RNF10: variants seen among roughly 807,000 people sequenced by gnomAD.
The protein encoded by RNF10 is E3 ubiquitin-protein ligase RNF10.
RNF10 carries 38 observed loss-of-function variants against 91.4 expected under a neutral mutation model. That is an observed-to-expected ratio of 0.42 (90% CI 0.32 to 0.54). The LOEUF (loss-of-function observed/expected upper bound fraction) is 0.54. Among genes scored for constraint, RNF10 ranks in the 20% least tolerant of loss-of-function variants. The probability of loss-of-function intolerance (pLI) is 0.16; values close to 1 mark genes in which losing one functional copy is unlikely to be tolerated. For synonymous variants in RNF10, 364 were observed against 366.3 expected (o/e 0.99, Z 0.07); for missense variants, 945 against 1,012.0 (o/e 0.93, Z 0.90).
intron 1 of RNF10, among the ~76,000 whole-genome samples, chr12:120,541,732 CT>C (rs1200077211): frequency 1.8e-3 from 250 of 141,736 alleles, no homozygotes; most frequent in Non-Finnish European, 1.8e-3. Context: ...TCGTGCCTGG[CT>C]TTTTTTTTTT....
chr12:120,576,662 A>G lies in RNF10; in HGVS notation c.2432A>G (p.Lys811Arg). ...LLFSTSVVHTK is the reference protein window; with the variant it reads ...LLFSTSVVHTR Reference sequence around the variant, plus strand: ...TTCAGCACCTCAGTCGTCCACACCAAGTGACACTACTGGCCCAGGCTACCT... The same window carrying G: ...TTCAGCACCTCAGTCGTCCACACCAGGTGACACTACTGGCCCAGGCTACCT... Residue 811 changes from lysine (K) to arginine (R), a missense_variant, in exon 17 of 17, where the codon AAG becomes AGG. By Grantham distance (26) the Lys-to-Arg change is conservative. Transcript: ENST00000325954. The G allele has an allele frequency of 1.2e-6, 2 of 1,613,262 alleles. No homozygotes were observed. The highest frequency in any genetic ancestry group is 1.7e-6 in the Non-Finnish European group (2 of 1,179,686).
At chr12:120,539,506 G>A in intron 1 of RNF10, 1 of 1,025,224 alleles carries the variant, frequency 9.8e-7, no homozygotes, top group Non-Finnish European at 1.3e-6. Flanking sequence ...TGAATCAGCA[G>A]CAGAAACTTG....
In RNF10 at chr12:120,546,525, A is replaced by G; in HGVS notation, c.278A>G (p.Asn93Ser). Residue 93 changes from asparagine to serine, a missense_variant, in exon 2 of 17, where the codon AAC becomes AGC. Asn to Ser is a conservative substitution (Grantham distance 46). Coordinates refer to ENST00000325954, the MANE Select transcript of RNF10 (RefSeq NM_014868.5). ...RSSSQKSKTF[N>S]KMPPQRGGGS... ...AGTTCACAGAAAAGCAAGACTTTTA[A>G]CAAGATGCCTCCTCAAAGGGGCGGC... The G allele has an allele frequency of 6.2e-7, 1 of 1,614,246 alleles. No individual in the cohort carries two copies. The highest frequency in any genetic ancestry group is 1.1e-5 in the South Asian group (1 of 91,090).
Position 120,576,866 on chromosome 12 carries a change from A to G in RNF10, c.*200A>G, listed in dbSNP as rs1877465162. 1.7e-6 allele frequency: 1 copy of G among 602,464 alleles called. No individual in the cohort carries two copies. The highest frequency in any genetic ancestry group is 2.0e-5 in the South Asian group (1 of 49,214). The allele number at this position is 602,464 out of a possible 1,614,324, so 37.3% of individuals were successfully genotyped here. On this transcript the variant is annotated 3_prime_UTR_variant, in exon 17 of 17. Coordinates refer to ENST00000325954, the MANE Select transcript of RNF10 (RefSeq NM_014868.5). ...TTTCCAGCTTCCTGTCTTTACACCA[A>G]AATAAAGTATTGACACAAGAGATCT...
chr12:120,557,229 A>G (rs1874182085), intron 4 of RNF10, 53 bp from the exon 5 acceptor site: 2 of 1,562,224 alleles, frequency 1.3e-6, no homozygotes, highest in Middle Eastern at 1.7e-4. Context: ...AAACTTTGAC[A>G]GTCCCTAATC....
Position 120,557,589 on chromosome 12 carries a change from A to G in RNF10, c.874A>G (p.Ile292Val), listed in dbSNP as rs934874058. 3.7e-6 allele frequency: 6 copies of G among 1,614,052 alleles called. No homozygotes were observed. In the African/African-American group the frequency reaches 4.0e-5, roughly 11 times the overall value. ...ESHQYVVGDT[I>V]TMQLMKREKG... Reference sequence around the variant, plus strand: ...ACATCAGTATGTTGTTGGTGATACCATTACGATGCAGCTGATGAAGAGGGA... The same window carrying G: ...ACATCAGTATGTTGTTGGTGATACCGTTACGATGCAGCTGATGAAGAGGGA... The change falls in exon 6 of 17, where the codon ATT becomes GTT. Residue 292 changes from isoleucine to valine, a missense_variant. Ile to Val is a conservative substitution (Grantham distance 29). Transcript: ENST00000325954.
chr12:120,571,527 C>T lies in RNF10; in HGVS notation c.2142+236C>T, dbSNP rs147859998. Among the ~76,000 whole-genome samples the T allele has an allele frequency of 2.3e-3, 348 of 152,248 alleles. 2 individuals are homozygous for T. The highest frequency in any genetic ancestry group is 7.8e-3 in the African/African-American group (324 of 41,544). The stretch of plus-strand genomic sequence containing the variant: ...CTCTGTTGGAAAAGGAGAGACTTAA[C>T]AGGCTAATGTTGCACTGACTCTAAT... On this transcript the variant is annotated intron_variant, in intron 14 of 16. Transcript: ENST00000325954.
At chr12:120,556,391 C>T (rs995426181) in intron 4 of RNF10, among the ~76,000 whole-genome samples, 3 of 151,122 alleles carry the variant, frequency 2.0e-5, no homozygotes, top group Non-Finnish European at 3.0e-5. Flanking sequence ...ATTAGCCCGG[C>T]GCAGTGGCGG....
intron 2 of RNF10, among the ~76,000 whole-genome samples, chr12:120,551,114 T>C (rs1422406765): frequency 6.6e-6 from 1 of 151,470 alleles, no homozygotes; most frequent in Non-Finnish European, 1.5e-5. Context: ...GCCTTCCAAG[T>C]AGATGGGACC....
chr12:120,540,059 C>G (rs1431175450), intron 1 of RNF10, among the ~76,000 whole-genome samples: 4 of 141,498 alleles, frequency 2.8e-5, no homozygotes, highest in Non-Finnish European at 6.2e-5. Context: ...GTCTCAAACT[C>G]CTGACCTCAT....
intron 13 of RNF10, 111 bp from the exon 14 acceptor site, chr12:120,571,079 TG>T: frequency 1.0e-5 from 7 of 668,180 alleles, no homozygotes; most frequent in Non-Finnish European, 1.8e-5. Flanking sequence ...TTTTTTTTTT[TG>T]AGGGGATGAT....
chr12:120,563,303 A>G, intron 8 of RNF10, 44 bp from the exon 9 acceptor site: 1 of 1,570,562 alleles, frequency 6.4e-7, no homozygotes, highest in Non-Finnish European at 8.6e-7. Flanking sequence ...GCTTTCGGAA[A>G]GCAGGAGATA....
At chr12:120,567,234 T>C (rs1374936137) in intron 13 of RNF10, among the ~76,000 whole-genome samples, 1 of 152,126 alleles carries the variant, frequency 6.6e-6, no homozygotes, top group Non-Finnish European at 1.5e-5. Flanking sequence ...GTCTTCCCTT[T>C]GACCCACCTA....
intron 14 of RNF10, 178 bp from the exon 15 acceptor site, chr12:120,575,453 C>A: frequency 1.5e-6 from 1 of 662,822 alleles, no homozygotes; most frequent in Non-Finnish European, 2.6e-6. Flanking sequence ...TTGCCATTTC[C>A]ATTAGCCAGG....
intron 2 of RNF10, among the ~76,000 whole-genome samples, chr12:120,549,734 G>A (rs1239728231): frequency 6.6e-6 from 1 of 152,136 alleles, no homozygotes; most frequent in East Asian, 1.9e-4. Flanking sequence ...GCAGTGACCT[G>A]AGATCGCACC....
chr12:120,559,361 T>C (rs546997642), intron 6 of RNF10, among the ~76,000 whole-genome samples: 8 of 151,622 alleles, frequency 5.3e-5, no homozygotes, highest in African/African-American at 1.9e-4. Context: ...TTTGTTTTTT[T>C]TGTGTGTGTG....
At chr12:120,575,594 T>G in intron 14 of RNF10, 37 bp from the exon 15 acceptor site, 1 of 1,613,630 alleles carries the variant, frequency 6.2e-7, no homozygotes, top group Non-Finnish European at 8.5e-7. Flanking sequence ...GACCAGCTAC[T>G]TAAATTCTCT....
chr12:120,575,628 C>T lies in RNF10; in HGVS notation c.2143-3C>T, dbSNP rs1453016110. 2 of 1,614,174 alleles carry T rather than the reference C, an allele frequency of 1.2e-6. No homozygotes were observed. Among genetic ancestry groups the T allele is most frequent in the South Asian group, 2.2e-5 (2 of 91,086 alleles). ...CTCCCCCACTTCTTTCCCACTTTGGCAGATGCTGAGGGTTGGAAAAGCAAA... is the reference window on the plus strand; with the variant it reads ...CTCCCCCACTTCTTTCCCACTTTGGTAGATGCTGAGGGTTGGAAAAGCAAA... On this transcript the variant is annotated splice_region_variant and splice_polypyrimidine_tract_variant and intron_variant, in intron 14 of 16. Transcript: ENST00000325954.
At chr12:120,558,464 T>A (rs1049372512) in intron 6 of RNF10, among the ~76,000 whole-genome samples, 3 of 151,160 alleles carry the variant, frequency 2.0e-5, no homozygotes, top group East Asian at 1.9e-4. Context: ...TAAAAAAAAA[T>A]CCTCAGATAT....
Sources: allele counts gnomAD v4.1 joint callset (sites outside exome capture counted in the v4.1 genomes callset), GRCh38; gene constraint gnomAD v4.1.1; transcripts MANE v1.5; gene names NCBI Gene and HGNC (gene_info 2026-07-23, HGNC 2026-07-21).